Variants in PTPRB observed in about 807,000 individuals in gnomAD.
The protein encoded by PTPRB is protein tyrosine phosphatase receptor type B.
A neutral mutation model predicts 238.1 loss-of-function variants in PTPRB; 97 were observed. The observed-to-expected ratio is 0.41, with a 90% CI of 0.35 to 0.48. The LOEUF (loss-of-function observed/expected upper bound fraction) is 0.48, where lower values mean the gene tolerates loss of function less well. Among genes scored for constraint, PTPRB ranks in the 20% least tolerant of loss-of-function variants. The pLI, the probability that PTPRB is intolerant of heterozygous loss-of-function variation, is 0.30. For synonymous variants in PTPRB, 970 were observed against 995.4 expected (o/e 0.97, Z 0.48); for missense variants, 2,292 against 2,681.9 (o/e 0.85, Z 3.21).
At chr12:70,625,941 C>T (rs1298654342) in intron 2 of PTPRB, among the ~76,000 whole-genome samples, 2 of 152,094 alleles carry the variant, frequency 1.3e-5, no homozygotes, top group African/African-American at 4.8e-5. Flanking sequence ...TTTGTAATGA[C>T]TGCATAATAT....
At chr12:70,603,563 G>A (rs961005390) in intron 4 of PTPRB, among the ~76,000 whole-genome samples, 1 of 152,164 alleles carries the variant, frequency 6.6e-6, no homozygotes, top group Non-Finnish European at 1.5e-5. Context: ...TTCAAGTTCT[G>A]ACTCTATTGT....
intron 21 of PTPRB, among the ~76,000 whole-genome samples, chr12:70,548,933 T>A (rs1219093075): frequency 6.6e-6 from 1 of 152,208 alleles, no homozygotes; most frequent in Non-Finnish European, 1.5e-5. Context: ...ATGTTTTAAT[T>A]CCTGTGTTTT....
chr12:70,533,190 C>T (rs976275846), intron 31 of PTPRB, among the ~76,000 whole-genome samples: 14 of 152,094 alleles, frequency 9.2e-5, no homozygotes, highest in African/African-American at 3.4e-4. Context: ...ATTTTTGATA[C>T]ACACATTTAT....
At chr12:70,624,645 T>A (rs1012222659) in intron 2 of PTPRB, among the ~76,000 whole-genome samples, 1 of 152,160 alleles carries the variant, frequency 6.6e-6, no homozygotes, top group African/African-American at 2.4e-5. Flanking sequence ...ATATGCAGAT[T>A]AGCATTTTGG....
intron 13 of PTPRB, among the ~76,000 whole-genome samples, chr12:70,570,389 C>T (rs1879888411): frequency 6.6e-6 from 1 of 151,964 alleles, no homozygotes; most frequent in South Asian, 2.1e-4. Context: ...GTCTGTTGTC[C>T]AGGCTGGAGT....
intron 3 of PTPRB, among the ~76,000 whole-genome samples, chr12:70,619,794 A>G (rs1265663865): frequency 2.0e-5 from 3 of 152,240 alleles, no homozygotes; most frequent in Admixed American, 1.3e-4. Flanking sequence ...ATTCCAAGCA[A>G]TTAAGTCAAA....
rs1245524994 is a variant in PTPRB at position 70,564,870 on chromosome 12, T to C, written c.3904+1565A>G. ...ATAATAATAATAATAATAATAATAATAATAATAATAATAATAATAAATAGA... is the reference window on the plus strand; with the variant it reads ...ATAATAATAATAATAATAATAATAACAATAATAATAATAATAATAAATAGA... On this transcript the variant is annotated intron_variant, in intron 15 of 33. Coordinates refer to ENST00000334414, the MANE Select transcript of PTPRB (RefSeq NM_001109754.4). 7.5e-3 allele frequency among the ~76,000 whole-genome samples: 712 copies of C among 94,706 alleles called. 7 individuals are homozygous for C. Among genetic ancestry groups the C allele is most frequent in the South Asian group, 0.017 (48 of 2,892 alleles). 62.1% of individuals were successfully genotyped at this position (94,706 alleles called of 152,430 possible).
chr12:70,549,174 A>T (rs996206977), intron 21 of PTPRB, among the ~76,000 whole-genome samples: 1 of 152,270 alleles, frequency 6.6e-6, no homozygotes, highest in African/African-American at 2.4e-5. Flanking sequence ...AATTATGAAT[A>T]TGACACAATA....
intron 3 of PTPRB, chr12:70,609,953 C>T: frequency 1.6e-6 from 1 of 635,960 alleles, no homozygotes; most frequent in East Asian, 3.8e-5. Context: ...GCTGGCGACG[C>T]GCAGGGGCCA....
intron 2 of PTPRB, among the ~76,000 whole-genome samples, chr12:70,629,381 A>T (rs1463236747): frequency 1.3e-5 from 2 of 152,204 alleles, no homozygotes; most frequent in Non-Finnish European, 2.9e-5. Context: ...AGAAATAAAG[A>T]TGTTCTTTGA....
At chr12:70,613,867 A>G (rs1884567100) in intron 3 of PTPRB, among the ~76,000 whole-genome samples, 1 of 152,302 alleles carries the variant, frequency 6.6e-6, no homozygotes, top group African/African-American at 2.4e-5. Flanking sequence ...CTGCTGGACC[A>G]TGTTTAGAAT....
At position 70,590,036 on chromosome 12, in the gene PTPRB, T is replaced by C. The variant is rs1313301232; in HGVS notation, c.1978A>G (p.Arg660Gly). ...VMDDTGLVPGRQYEVEVIVES... is the reference protein window; with the variant it reads ...VMDDTGLVPGGQYEVEVIVES... ...ACAATGACTTCCACCTCATACTGTCTTCCCGGTACGAGCCCCGTGTCATCC... is the reference window on the plus strand; with the variant it reads ...ACAATGACTTCCACCTCATACTGTCCTCCCGGTACGAGCCCCGTGTCATCC... The change falls in exon 8 of 34, where the codon AGA becomes GGA. Residue 660 changes from arginine (R) to glycine (G), a missense_variant. By Grantham distance (125) the Arg-to-Gly change is moderately radical. Transcript: ENST00000334414. 4 of 1,613,924 alleles carry C rather than the reference T, an allele frequency of 2.5e-6. No individual in the cohort carries two copies. The highest frequency in any genetic ancestry group is 3.4e-6 in the Non-Finnish European group (4 of 1,179,898).
chr12:70,535,037 T>C, intron 29 of PTPRB, 82 bp from the exon 30 acceptor site: 1 of 1,474,978 alleles, frequency 6.8e-7, no homozygotes. Context: ...TCTAAATGTC[T>C]TCCAAAGTTA....
intron 2 of PTPRB, among the ~76,000 whole-genome samples, chr12:70,629,355 A>G (rs891184082): frequency 1.3e-5 from 2 of 152,222 alleles, no homozygotes; most frequent in Admixed American, 1.3e-4. Flanking sequence ...TACTGGGTAA[A>G]TAACAAAATG....
intron 15 of PTPRB, among the ~76,000 whole-genome samples, chr12:70,564,896 T>C (rs952980193): frequency 1.0e-3 from 149 of 148,936 alleles, no homozygotes; most frequent in Non-Finnish European, 1.8e-3. Flanking sequence ...AATAAATAGA[T>C]AGATAAAATT....
At chr12:70,563,161 G>A (rs78080518) in intron 15 of PTPRB, 54 bp from the exon 16 acceptor site, 32,917 of 1,494,704 alleles carry the variant, frequency 0.022, 1,770 homozygotes, top group African/African-American at 0.21. Flanking sequence ...TGAGGAGAAG[G>A]GAGCAGGTGG....
At chr12:70,550,889 CTT>C (rs34266218) in intron 21 of PTPRB, among the ~76,000 whole-genome samples, 9 of 148,920 alleles carry the variant, frequency 6.0e-5, no homozygotes, top group African/African-American at 1.7e-4. Context: ...TCTCTTGAAT[CTT>C]TTTTTTTTTC....
At chr12:70,564,997 T>TA (rs1183279355) in intron 15 of PTPRB, among the ~76,000 whole-genome samples, 1 of 152,000 alleles carries the variant, frequency 6.6e-6, no homozygotes. Context: ...TTTACTTATT[T>TA]ATTTTATTTA....
chr12:70,635,895 C>T lies in PTPRB; in HGVS notation c.227G>A (p.Arg76His), dbSNP rs200092681. Reference sequence around the variant, plus strand: ...CAAGATGGCTGAGCGGGAGGGGCCGCGGGAAGAGTTGGAGATGGCCAAGCA... The same window carrying T: ...CAAGATGGCTGAGCGGGAGGGGCCGTGGGAAGAGTTGGAGATGGCCAAGCA... Reference protein sequence around the residue: ...ALCLAISNSSRGPSRSAILDR... With the variant: ...ALCLAISNSSHGPSRSAILDR... The change falls in exon 2 of 34, where the codon CGC (arginine) becomes CAC (histidine). Residue 76 changes from arginine to histidine, a missense_variant. Arg to His is a conservative substitution (Grantham distance 29, BLOSUM62 0). Transcript: ENST00000334414. 3,803 of 1,613,690 alleles carry T rather than the reference C, an allele frequency of 2.4e-3. 5 individuals carry two copies. Among genetic ancestry groups the T allele is most frequent in the Non-Finnish European group, 2.8e-3 (3,357 of 1,179,814 alleles).
Sources: gnomAD v4.1 joint callset for allele counts (sites outside exome capture counted in the v4.1 genomes callset) on GRCh38, gnomAD v4.1.1 for gene constraint, MANE v1.5 for transcripts, NCBI Gene and HGNC (gene_info 2026-07-23, HGNC 2026-07-21) for gene names.